HROB: variants seen among roughly 807,000 people sequenced by gnomAD.
HROB encodes homologous recombination factor with OB-fold, also known as homologous recombination OB-fold protein.
Under a neutral mutation model 61.0 loss-of-function variants are expected in HROB, and 44 were observed. That is an observed-to-expected ratio of 0.72 (90% CI 0.57 to 0.93). The LOEUF (loss-of-function observed/expected upper bound fraction) is 0.93. Ranked by LOEUF, HROB falls within the 40% of genes least tolerant of loss-of-function variation. The pLI is 0.00. For missense variants in HROB, 716 were observed against 796.2 expected (o/e 0.90, Z 1.21); for synonymous variants, 301 against 310.4 (o/e 0.97, Z 0.32).
intron 9 of HROB, among the ~76,000 whole-genome samples, chr17:44,160,215 T>G (rs1316018958): frequency 6.6e-6 from 1 of 152,002 alleles, no homozygotes. Flanking sequence ...GTACTGGCTG[T>G]TTTTTTTCTC....
In HROB at chr17:44,148,037, C is replaced by T. The variant is rs1415702500; in HGVS notation, c.234C>T (p.Asp78=). 5 of 1,613,962 alleles carry T rather than the reference C, an allele frequency of 3.1e-6. No homozygotes were observed. In the African/African-American group the frequency reaches 6.7e-5, roughly 22 times the overall value. The change falls in exon 3 of 10, where the codon GAC becomes GAT. Residue 78 remains aspartate, a synonymous_variant. Coordinates refer to ENST00000585683, the MANE Select transcript of HROB (RefSeq NM_001171251.3). ...AGGCTTTGGGCCTGCCAGACTTGGA[C>T]CTCTGCCTCCCTGCCTCCAGCACGC... ...PSEALGLPDL[D]LCLPASSTPS...
intron 2 of HROB, among the ~76,000 whole-genome samples, chr17:44,146,558 C>G (rs1001204494): frequency 3.7e-4 from 57 of 152,234 alleles, no homozygotes; most frequent in African/African-American, 1.3e-3. Flanking sequence ...AGTTTCTGTT[C>G]CTTGAAAATG....
chr17:44,161,062 C>T (rs1057309844), intron 9 of HROB, among the ~76,000 whole-genome samples: 8 of 151,952 alleles, frequency 5.3e-5, no homozygotes, highest in East Asian at 1.9e-4. Flanking sequence ...ATTAGCCAGG[C>T]GTGGTGGTGG....
intron 1 of HROB, among the ~76,000 whole-genome samples, chr17:44,144,450 AT>A (rs1447849226): frequency 6.6e-6 from 1 of 151,914 alleles, no homozygotes; most frequent in Non-Finnish European, 1.5e-5. Context: ...CAAATTTTGT[AT>A]TTTAAGTAGA....
intron 5 of HROB, 130 bp downstream of exon 5, chr17:44,152,907 C>A: frequency 1.7e-6 from 2 of 1,194,712 alleles, no homozygotes; most frequent in Non-Finnish European, 2.3e-6. Context: ...AGCACGAAGC[C>A]CCTTTGGTTG....
intron 3 of HROB, among the ~76,000 whole-genome samples, chr17:44,149,679 A>G (rs1567716359): frequency 6.6e-6 from 1 of 152,204 alleles, no homozygotes; most frequent in Non-Finnish European, 1.5e-5. Context: ...AGCTGGGACT[A>G]CAGGTGTGCA....
chr17:44,157,831 A>G lies in HROB; in HGVS notation c.1771-2A>G, dbSNP rs1165766204. 1.2e-6 allele frequency: 2 copies of G among 1,611,288 alleles called. No homozygotes were observed. The highest frequency in any genetic ancestry group is 1.7e-6 in the Non-Finnish European group (2 of 1,178,444). On this transcript the variant is annotated splice_acceptor_variant, in intron 8 of 9. Transcript: ENST00000585683. LOFTEE classifies it high-confidence loss of function. ...ATTGGTAACCAGATCCTCTGTCCCC[A>G]GGATTCAGGGAGCTTCCAGCATGAT...
At chr17:44,149,081 C>CA in intron 3 of HROB, 54 bp downstream of exon 3, 1 of 1,496,666 alleles carries the variant, frequency 6.7e-7, no homozygotes, top group Non-Finnish European at 9.1e-7. Context: ...AGCAGGGTTC[C>CA]AGCACTGTCC....
In HROB at chr17:44,152,644, C is replaced by G; in HGVS notation, c.1316C>G (p.Ala439Gly). The part of the protein sequence containing the change: ...ALAKFQTEIV[A>G]SSQASVEEDF... Reference sequence around the variant, plus strand: ...TCTGCTCTGTGGTACCAGATTGTTGCTAGTTCCCAGGCATCTGTGGAGGAG... The same window carrying G: ...TCTGCTCTGTGGTACCAGATTGTTGGTAGTTCCCAGGCATCTGTGGAGGAG... The change falls in exon 5 of 10, where the codon GCT becomes GGT. Residue 439 changes from alanine to glycine, a missense_variant. By Grantham distance (60) the Ala-to-Gly change is moderately conservative. Transcript: ENST00000585683. 6.2e-7 allele frequency: 1 copy of G among 1,614,048 alleles called. No homozygotes were observed. The highest frequency in any genetic ancestry group is 8.5e-7 in the Non-Finnish European group (1 of 1,179,952).
At position 44,162,049 on chromosome 17, in the gene HROB, T is replaced by G; in HGVS notation, c.*117T>G. ...TGGAGAGTGGACACAGCCGGGGGGC[T>G]TCTGTGGTTGCTCCCACCCTGGGTG... On this transcript the variant is annotated 3_prime_UTR_variant, in exon 10 of 10. Coordinates refer to ENST00000585683, the MANE Select transcript of HROB (RefSeq NM_001171251.3). 8.3e-7 allele frequency: 1 copy of G among 1,200,530 alleles called. No individual in the cohort carries two copies. The highest frequency in any genetic ancestry group is 1.2e-6 in the Non-Finnish European group (1 of 841,178). 74.4% of individuals were successfully genotyped at this position (1,200,530 alleles called of 1,614,324 possible).
In HROB at chr17:44,154,921, GTGC is replaced by G; in HGVS notation, c.1636_1638del (p.Leu546del). 6.2e-7 allele frequency: 1 copy of G among 1,613,880 alleles called. No homozygotes were observed. The highest frequency in any genetic ancestry group is 8.5e-7 in the Non-Finnish European group (1 of 1,179,964). On this transcript the variant is annotated inframe_deletion, in exon 7 of 10. Transcript: ENST00000585683. Reference sequence around the variant, plus strand: ...CCAGAATGAGCTGAAGCCTGGCTCAGTGCTGCTGCTGAAGCAGGTATGGGGAGC... The same window carrying G: ...CCAGAATGAGCTGAAGCCTGGCTCAGTGCTGCTGAAGCAGGTATGGGGAGC...
At chr17:44,143,080 G>T (rs941326282) in intron 1 of HROB, among the ~76,000 whole-genome samples, 1 of 152,184 alleles carries the variant, frequency 6.6e-6, no homozygotes, top group Admixed American at 6.5e-5. Context: ...GGGATTACAG[G>T]CGGGCACCAC....
chr17:44,141,973 T>TTACGCCTGCC lies in HROB; in HGVS notation c.-170_-169insTACGCCTGCC. 3.2e-6 allele frequency: 3 copies of TTACGCCTGCC among 930,216 alleles called. No homozygotes were observed. Among genetic ancestry groups the TTACGCCTGCC allele is most frequent in the Non-Finnish European group, 4.6e-6 (3 of 652,690 alleles). 57.6% of individuals were successfully genotyped at this position (930,216 alleles called of 1,614,324 possible). A position where few individuals can be genotyped will look rare whatever the true frequency, so the allele number is the denominator to read the frequency against. ...TGCGGCCTAAGGCGCCTGCCGCCAG[T>TTACGCCTGCC]CTCCTGGCGACTTTCCCTATATCGC... is the stretch of plus-strand genomic sequence containing the variant. On this transcript the variant is annotated 5_prime_UTR_variant, in exon 1 of 10. Transcript: ENST00000585683.
At chr17:44,152,917 G>T (rs1440984938) in intron 5 of HROB, 140 bp downstream of exon 5, 4 of 1,091,868 alleles carry the variant, frequency 3.7e-6, no homozygotes, top group Non-Finnish European at 3.9e-6. Flanking sequence ...CCCTTTGGTT[G>T]TATCTTCCAC....
In HROB at chr17:44,152,721, G is replaced by A. The variant is rs927131661; in HGVS notation, c.1393G>A (p.Glu465Lys). The A allele has an allele frequency of 1.9e-5, 31 of 1,614,220 alleles. No individual in the cohort carries two copies. Among genetic ancestry groups the A allele is most frequent in the Admixed American group, 6.7e-5 (4 of 60,026 alleles). ...CATGAAATCCACGCTAGGCCTGGAT[G>A]AGAGAGACCCTAGCTGCTTCCTCTG... ...LTMKSTLGLD[E>K]RDPSCFLCTY... The change falls in exon 5 of 10, where the codon GAG becomes AAG. Residue 465 changes from glutamate (E) to lysine (K), a missense_variant. Transcript: ENST00000585683.
rs184766671 is a variant in HROB, at chr17:44,154,733, C to T, written c.1558+69C>T. On this transcript the variant is annotated intron_variant, in intron 6 of 9. Coordinates refer to ENST00000585683, the MANE Select transcript of HROB (RefSeq NM_001171251.3). ...GAGGCCAGGAAATGAGGTGGAATCA[C>T]CCTCTCCCTTTGCAGACAGGAAAAC... is the stretch of plus-strand genomic sequence containing the variant. The T allele has an allele frequency of 3.5e-5, 56 of 1,595,188 alleles. No homozygotes were observed. In the East Asian group the frequency reaches 1.1e-3, roughly 32 times the overall value.
intron 5 of HROB, 38 bp downstream of exon 5, chr17:44,152,815 A>AT: frequency 6.2e-7 from 1 of 1,602,860 alleles, no homozygotes; most frequent in East Asian, 2.2e-5. Flanking sequence ...AGGAAAGACC[A>AT]TTTTTCTCCC....
chr17:44,151,846 T>G (rs184758899), intron 4 of HROB, among the ~76,000 whole-genome samples: 3 of 151,844 alleles, frequency 2.0e-5, no homozygotes, highest in Non-Finnish European at 2.9e-5. Context: ...GTTATTTTAT[T>G]TTATTTTATT....
Position 44,147,866 on chromosome 17 carries a change from G to C in HROB, c.63G>C (p.Leu21Phe). 1 of 1,609,568 alleles carries C rather than the reference G, an allele frequency of 6.2e-7. No homozygotes were observed. Among genetic ancestry groups the C allele is most frequent in the Non-Finnish European group, 8.5e-7 (1 of 1,176,538 alleles). The change falls in exon 3 of 10, where the codon TTG (leucine) becomes TTC (phenylalanine). Residue 21 changes from leucine to phenylalanine, a missense_variant. By Grantham distance (22) the Leu-to-Phe change is conservative (BLOSUM62 0). Transcript: ENST00000585683. Reference protein sequence around the residue: ...VEEEFEDEDFLSAVEDAENRF... With the variant: ...VEEEFEDEDFFSAVEDAENRF... ...TCTCTGCTTCCTTGTAGGATTTCTTGTCTGCTGTGGAGGATGCAGAGAACC... is the reference window on the plus strand; with the variant it reads ...TCTCTGCTTCCTTGTAGGATTTCTTCTCTGCTGTGGAGGATGCAGAGAACC...
Sources: allele counts gnomAD v4.1 joint callset (sites outside exome capture counted in the v4.1 genomes callset), GRCh38; gene constraint gnomAD v4.1.1; transcripts MANE v1.5; gene names NCBI Gene and HGNC (gene_info 2026-07-23, HGNC 2026-07-21).